ANKRD62: variants seen among roughly 807,000 people sequenced by gnomAD.
ANKRD62 encodes ankyrin repeat domain-containing protein 62.
A neutral mutation model predicts 98.8 loss-of-function variants in ANKRD62; 61 were observed. That is an observed-to-expected ratio of 0.62 (90% CI 0.50 to 0.76). The LOEUF is 0.76. ANKRD62 is among the 30% of genes least tolerant of loss of function. The pLI is 0.00. For synonymous variants in ANKRD62, 341 were observed against 367.9 expected, an observed-to-expected ratio of 0.93 and a Z score of 0.84; for missense variants, 933 against 1,082.9, an observed-to-expected ratio of 0.86 and a Z score of 1.94.
chr18:12,098,431 T>C (rs1470520445), intron 5 of ANKRD62: 1 of 152,290 alleles, frequency 6.6e-6, no homozygotes, highest in East Asian at 1.9e-4. Context: ...AGCTTTGTGC[T>C]TGCTTCGCGG....
Position 12,128,148 on chromosome 18 carries a change from A to T in ANKRD62, c.*209A>T. On this transcript the variant is annotated 3_prime_UTR_variant, in exon 14 of 14. Coordinates refer to ENST00000587848, the MANE Select transcript of ANKRD62 (RefSeq NM_001277333.2). The stretch of plus-strand genomic sequence containing the variant: ...AATTACACATCATTTCTCACAGAAG[A>T]TTAGAGAATTCTTTTTTCTTTTTAC... The T allele has an allele frequency of 3.5e-6, 1 of 286,332 alleles. No individual in the cohort carries two copies. The allele number at this position is 286,332 out of a possible 1,614,324, so 17.7% of individuals were successfully genotyped here.
the ANKRD62 span, among the ~76,000 whole-genome samples, chr18:12,177,290 A>G: frequency 9.8e-5 from 15 of 152,298 alleles, no homozygotes; most frequent in Non-Finnish European, 1.5e-4. Context: ...GAGAAGCCAC[A>G]GGAGGAGACA....
Position 12,128,950 on chromosome 18 carries a change from C to T in ANKRD62, c.*1011C>T, listed in dbSNP as rs1909949473. On this transcript the variant is annotated 3_prime_UTR_variant, in exon 14 of 14. Coordinates refer to ENST00000587848, the MANE Select transcript of ANKRD62 (RefSeq NM_001277333.2). ...TGGTGGTGGTGCACGCCTGTAGTCC[C>T]AGCTCCTCGGGACGCTGAGGCAGGA... The T allele has an allele frequency of 6.6e-6, 1 of 152,068 alleles. No homozygotes were observed. The highest frequency in any genetic ancestry group is 1.5e-5 in the Non-Finnish European group (1 of 68,064). 9.4% of individuals were successfully genotyped at this position (152,068 alleles called of 1,614,324 possible). A position where few individuals can be genotyped will look rare whatever the true frequency, so the allele number is the denominator to read the frequency against.
the ANKRD62 span, among the ~76,000 whole-genome samples, chr18:12,169,967 G>A: frequency 6.6e-6 from 1 of 152,210 alleles, no homozygotes; most frequent in Non-Finnish European, 1.5e-5. Flanking sequence ...TGTGGGATCA[G>A]TGGTGATATC....
the ANKRD62 span, among the ~76,000 whole-genome samples, chr18:12,181,040 T>A: frequency 1.3e-5 from 2 of 150,686 alleles, no homozygotes; most frequent in African/African-American, 4.9e-5. Flanking sequence ...ACATGTGGTG[T>A]AAAACAATTA....
chr18:12,165,480 A>ATTATT, the ANKRD62 span, among the ~76,000 whole-genome samples: 92,444 of 151,108 alleles, frequency 0.61, 28,670 homozygotes, highest in Middle Eastern at 0.75. Context: ...CTTAAAACCC[A>ATTATT]TTAAACTGAT....
chr18:12,127,258 G>A (rs189243079), intron 13 of ANKRD62, among the ~76,000 whole-genome samples: 1 of 152,276 alleles, frequency 6.6e-6, no homozygotes, highest in African/African-American at 2.4e-5. Flanking sequence ...TAGCAGCTGG[G>A]GTCAGGGAGA....
the ANKRD62 span, among the ~76,000 whole-genome samples, chr18:12,162,985 T>C: frequency 6.6e-6 from 1 of 152,096 alleles, no homozygotes; most frequent in African/African-American, 2.4e-5. Flanking sequence ...TTAGGATAGC[T>C]TTGGCTGTTC....
chr18:12,127,635 G>T (rs1909920592), intron 13 of ANKRD62, 113 bp from the exon 14 acceptor site: 7 of 700,942 alleles, frequency 1.0e-5, no homozygotes, highest in African/African-American at 1.8e-5. Flanking sequence ...AGGAGAAGAA[G>T]AATCAGTGTG....
chr18:12,114,489 C>G (rs1392021516), intron 8 of ANKRD62, among the ~76,000 whole-genome samples: 1 of 152,130 alleles, frequency 6.6e-6, no homozygotes, highest in Non-Finnish European at 1.5e-5. Context: ...TGCTATTGAA[C>G]AGTTTTATGT....
At chr18:12,118,623 AAAAAAG>A (rs886500617) in intron 10 of ANKRD62, among the ~76,000 whole-genome samples, 1 of 140,066 alleles carries the variant, frequency 7.1e-6, no homozygotes, top group Non-Finnish European at 1.6e-5. Flanking sequence ...AAAAAAAAAA[AAAAAAG>A]AAAGAAAGTA....
In ANKRD62 at chr18:12,127,856, G is replaced by A; in HGVS notation, c.2671G>A (p.Glu891Lys). 6.6e-7 allele frequency: 1 copy of A among 1,525,294 alleles called. No homozygotes were observed. The highest frequency in any genetic ancestry group is 8.8e-7 in the Non-Finnish European group (1 of 1,142,666). 94.5% of individuals were successfully genotyped at this position (1,525,294 alleles called of 1,614,324 possible). A position where few individuals can be genotyped will look rare whatever the true frequency, so the allele number is the denominator to read the frequency against. ...SSERRINLED[E>K]AQSLKKKLGQ... The stretch of plus-strand genomic sequence containing the variant: ...AGAACGTCGTATTAATTTAGAAGAT[G>A]AGGCACAAAGTTTAAAAAAGAAATT... Residue 891 changes from glutamate to lysine, a missense_variant, in exon 14 of 14, where the codon GAG becomes AAG. Coordinates refer to ENST00000587848, the MANE Select transcript of ANKRD62 (RefSeq NM_001277333.2).
At chr18:12,173,221 C>T in the ANKRD62 span, among the ~76,000 whole-genome samples, 13 of 152,232 alleles carry the variant, frequency 8.5e-5, no homozygotes, top group African/African-American at 2.4e-4. Flanking sequence ...TGTTCCTATT[C>T]AGCCATCTTG....
the ANKRD62 span, among the ~76,000 whole-genome samples, chr18:12,170,793 G>T: frequency 1.3e-5 from 2 of 152,098 alleles, no homozygotes; most frequent in African/African-American, 4.8e-5. Context: ...CTAAGGACTT[G>T]CCTTATGAAT....
intron 1 of ANKRD62, 62 bp from the exon 2 acceptor site, chr18:12,095,109 C>G (rs1396595071): frequency 3.6e-6 from 4 of 1,121,430 alleles, no homozygotes; most frequent in Non-Finnish European, 3.9e-6. Context: ...CAATTGCATG[C>G]GTCGTTGTAT....
chr18:12,135,466 A>C, the ANKRD62 span, among the ~76,000 whole-genome samples: 1 of 151,344 alleles, frequency 6.6e-6, no homozygotes, highest in South Asian at 2.1e-4. Flanking sequence ...GGTTTGTTCC[A>C]AGTCTTTGCT....
chr18:12,111,507 A>T (rs1909538935), intron 8 of ANKRD62, among the ~76,000 whole-genome samples: 1 of 152,184 alleles, frequency 6.6e-6, no homozygotes, highest in African/African-American at 2.4e-5. Flanking sequence ...CTAGACAAGG[A>T]TGCCCTCTCT....
the ANKRD62 span, among the ~76,000 whole-genome samples, chr18:12,135,354 C>T: frequency 3.3e-5 from 5 of 151,234 alleles, no homozygotes; most frequent in South Asian, 6.2e-4. Context: ...CATCCATGTC[C>T]CTACATAGGA....
At chr18:12,111,976 G>A (rs540804139) in intron 8 of ANKRD62, among the ~76,000 whole-genome samples, 2 of 151,950 alleles carry the variant, frequency 1.3e-5, no homozygotes, top group African/African-American at 4.8e-5. Context: ...CGGGCGTGGT[G>A]GCAGGCACCT....
Sources: gnomAD v4.1 joint callset for allele counts (sites outside exome capture counted in the v4.1 genomes callset) on GRCh38, gnomAD v4.1.1 for gene constraint, MANE v1.5 for transcripts, NCBI Gene and HGNC (gene_info 2026-07-23, HGNC 2026-07-21) for gene names.